The following IMMP2L variants were observed in gnomAD, a reference collection of about 807,000 sequenced individuals.
The protein encoded by IMMP2L is inner mitochondrial membrane peptidase subunit 2.
IMMP2L carries 18 observed loss-of-function variants against 19.3 expected under a neutral mutation model. That is an observed-to-expected ratio of 0.93 (90% CI 0.64 to 1.38). The LOEUF (loss-of-function observed/expected upper bound fraction) is 1.38, where lower values mean the gene tolerates loss of function less well. Ranked by LOEUF, IMMP2L falls within the 40% of genes most tolerant of loss-of-function variation. IMMP2L has a pLI of 0.00. For missense variants in IMMP2L, 233 were observed against 218.2 expected, an observed-to-expected ratio of 1.07 and a Z score of -0.43; for synonymous variants, 76 against 73.0, an observed-to-expected ratio of 1.04 and a Z score of -0.21.
intron 3 of IMMP2L, among the ~76,000 whole-genome samples, chr7:111,114,789 T>G (rs958866673): frequency 1.3e-5 from 2 of 151,256 alleles, no homozygotes; most frequent in Admixed American, 1.3e-4. Context: ...ATTGAAACCA[T>G]TTTGAGAATA....
intron 3 of IMMP2L, among the ~76,000 whole-genome samples, chr7:111,381,821 A>G (rs1005791676): frequency 6.6e-6 from 1 of 152,012 alleles, no homozygotes; most frequent in African/African-American, 2.4e-5. Flanking sequence ...TGCAGGTACC[A>G]TGATGGTTAT....
At chr7:111,459,809 G>A (rs575073085) in intron 3 of IMMP2L, among the ~76,000 whole-genome samples, 1 of 152,108 alleles carries the variant, frequency 6.6e-6, no homozygotes, top group Non-Finnish European at 1.5e-5. Context: ...CCTCTTCAGT[G>A]CAGGGGGATC....
At chr7:111,504,954 A>T (rs1844722715) in intron 2 of IMMP2L, among the ~76,000 whole-genome samples, 1 of 152,102 alleles carries the variant, frequency 6.6e-6, no homozygotes, top group African/African-American at 2.4e-5. Flanking sequence ...ATGGCAACAA[A>T]AGCCAAAACT....
intron 1 of IMMP2L, among the ~76,000 whole-genome samples, chr7:111,547,509 C>CG: frequency 6.7e-6 from 1 of 150,122 alleles, no homozygotes; most frequent in African/African-American, 2.5e-5. Flanking sequence ...TGTCATACCC[C>CG]CCCCCCCTTT....
intron 4 of IMMP2L, among the ~76,000 whole-genome samples, chr7:110,945,769 G>T (rs879334084): frequency 7.6e-4 from 115 of 152,240 alleles, no homozygotes; most frequent in Non-Finnish European, 7.5e-4. Context: ...AACTCCTAAA[G>T]AAACAATTAG....
intron 1 of IMMP2L, among the ~76,000 whole-genome samples, chr7:111,522,227 A>G (rs1489289239): frequency 6.6e-6 from 1 of 151,934 alleles, no homozygotes; most frequent in Non-Finnish European, 1.5e-5. Flanking sequence ...ACAGGGTCTC[A>G]CTCTGTCACC....
chr7:111,297,027 C>T (rs1258461975), intron 3 of IMMP2L, among the ~76,000 whole-genome samples: 1 of 151,600 alleles, frequency 6.6e-6, no homozygotes, highest in Non-Finnish European at 1.5e-5. Flanking sequence ...TGCCAAGGGC[C>T]CACAAAAGTG....
At chr7:111,363,858 C>A (rs1257889260) in intron 3 of IMMP2L, among the ~76,000 whole-genome samples, 2 of 152,078 alleles carry the variant, frequency 1.3e-5, no homozygotes, top group Non-Finnish European at 2.9e-5. Flanking sequence ...CCTGTACACA[C>A]CACGTGGTTT....
intron 5 of IMMP2L, among the ~76,000 whole-genome samples, chr7:110,704,096 C>G (rs1794480122): frequency 6.6e-6 from 1 of 152,116 alleles, no homozygotes; most frequent in South Asian, 2.1e-4. Context: ...ATCCACCCGC[C>G]TTGGCCTCCC....
rs138496689 is a variant in IMMP2L, at chr7:110,924,808, C to T, written c.306-38113G>A. On this transcript the variant is annotated intron_variant, in intron 4 of 5. Transcript: ENST00000405709. The surrounding 1 kb of genome is among the most constrained non-coding windows in gnomAD (Gnocchi z 4.2). ...TGCTCCAAAGTAGAATTGGTATACA[C>T]AGCTGATTAAACAATTTGAAAAAAT... Among the ~76,000 whole-genome samples the T allele has an allele frequency of 2.7e-3, 405 of 152,248 alleles. 1 individual carries two copies. The highest frequency in any genetic ancestry group is 9.4e-3 in the African/African-American group (389 of 41,552).
Position 111,166,735 on chromosome 7 carries a change from C to T in IMMP2L, c.240-203170G>A, listed in dbSNP as rs574429175. ...CCAAAGTCTCTGGGGAAGAATTCTTCCTTATTTTGTCTAATTTCTGGTGGT... is the reference window on the plus strand; with the variant it reads ...CCAAAGTCTCTGGGGAAGAATTCTTTCTTATTTTGTCTAATTTCTGGTGGT... On this transcript the variant is annotated intron_variant, in intron 3 of 5. Transcript: ENST00000405709. Among the ~76,000 whole-genome samples, 102 of 152,084 alleles carry T rather than the reference C, an allele frequency of 6.7e-4. 1 individual carries two copies. The highest frequency in any genetic ancestry group is 1.3e-3 in the Non-Finnish European group (87 of 67,952).
At chr7:110,845,928 C>T (rs141111183) in intron 5 of IMMP2L, among the ~76,000 whole-genome samples, 1 of 152,270 alleles carries the variant, frequency 6.6e-6, no homozygotes, top group African/African-American at 2.4e-5. Context: ...CAACTATAAA[C>T]CAGGAAACAG....
chr7:111,509,386 C>T (rs1845239513), intron 2 of IMMP2L, among the ~76,000 whole-genome samples: 1 of 152,152 alleles, frequency 6.6e-6, no homozygotes, highest in African/African-American at 2.4e-5. Context: ...GCACTTATTG[C>T]TTGAAGTGCT....
At chr7:110,763,773 G>C (rs1798490958) in intron 5 of IMMP2L, among the ~76,000 whole-genome samples, 1 of 152,098 alleles carries the variant, frequency 6.6e-6, no homozygotes, top group Admixed American at 6.6e-5. Context: ...ATTGTTGTTG[G>C]ACAGAAATCC....
intron 3 of IMMP2L, among the ~76,000 whole-genome samples, chr7:111,129,717 C>G (rs909868362): frequency 2.6e-5 from 4 of 152,034 alleles, no homozygotes; most frequent in African/African-American, 4.8e-5. Context: ...ATAGTGACTA[C>G]TTTTATCTGT....
intron 5 of IMMP2L, among the ~76,000 whole-genome samples, chr7:110,847,295 A>G (rs1180514302): frequency 6.6e-6 from 1 of 152,170 alleles, no homozygotes; most frequent in Non-Finnish European, 1.5e-5. Flanking sequence ...ATGGATAAGG[A>G]AAAAAAGTAG....
intron 3 of IMMP2L, among the ~76,000 whole-genome samples, chr7:111,344,171 T>A (rs182976538): frequency 2.6e-4 from 39 of 152,220 alleles, no homozygotes; most frequent in Admixed American, 2.2e-3. Context: ...CTCAATGACT[T>A]CCTACCATCC....
chr7:111,469,796 T>C (rs1158368455), intron 3 of IMMP2L, among the ~76,000 whole-genome samples: 1 of 152,074 alleles, frequency 6.6e-6, no homozygotes, highest in Non-Finnish European at 1.5e-5. Flanking sequence ...GGCAATACCA[T>C]TCAGGACATA....
At chr7:111,415,897 C>T (rs73424101) in intron 3 of IMMP2L, among the ~76,000 whole-genome samples, 1 of 149,618 alleles carries the variant, frequency 6.7e-6, no homozygotes, top group African/African-American at 2.5e-5. Context: ...ACAACAACAA[C>T]AAAAAAACAG....
Sources: allele counts gnomAD v4.1 joint callset (sites outside exome capture counted in the v4.1 genomes callset), GRCh38; gene constraint gnomAD v4.1.1; non-coding constraint Gnocchi (gnomAD v3.1); transcripts MANE v1.5; gene names NCBI Gene and HGNC (gene_info 2026-07-23, HGNC 2026-07-21).